The following TRANK1 variants were observed in gnomAD, a reference collection of about 807,000 sequenced individuals.
TRANK1 encodes the protein TPR and ankyrin repeat-containing protein 1.
Under a neutral mutation model 266.0 loss-of-function variants are expected in TRANK1, and 198 were observed. The ratio of observed to expected loss-of-function variants is 0.74; its 90% CI spans 0.66 to 0.84. The LOEUF is 0.84. TRANK1 is among the 40% of genes least tolerant of loss of function. TRANK1 has a pLI of 0.00. For synonymous variants in TRANK1, 1,396 were observed against 1,384.1 expected (o/e 1.01, Z -0.19); for missense variants, 3,326 against 3,634.6 (o/e 0.92, Z 2.18).
intron 8 of TRANK1, among the ~76,000 whole-genome samples, chr3:36,885,978 T>A (rs1233273243): frequency 6.6e-6 from 1 of 151,932 alleles, no homozygotes; most frequent in Non-Finnish European, 1.5e-5. Flanking sequence ...TATTCCCTGA[T>A]GAAAAAGAAG....
intron 9 of TRANK1, among the ~76,000 whole-genome samples, chr3:36,871,311 C>A (rs886347306): frequency 6.6e-6 from 1 of 152,048 alleles, no homozygotes; most frequent in African/African-American, 2.4e-5. Context: ...ACGCTTGAAC[C>A]GGGGAGGCGG....
At position 36,892,234 on chromosome 3, in the gene TRANK1, AG is replaced by A. The variant is rs1223669288; in HGVS notation, c.742del (p.Leu248PhefsTer20). On this transcript the variant is annotated frameshift_variant, in exon 7 of 24. Transcript: ENST00000645898. LOFTEE classifies it high-confidence loss of function. ...GATACAGAGTCGCATGAGGGCATGA[AG>A]GGGATACGGTCCTATAGTCTCAACA... The part of the protein sequence containing the change: ...ASVETIGPYP[L>X]HALMRLCIQA... 1.0e-5 allele frequency: 16 copies of A among 1,537,114 alleles called. No homozygotes were observed. The highest frequency in any genetic ancestry group is 1.3e-5 in the Non-Finnish European group (15 of 1,146,820).
chr3:36,832,496 TG>T lies in TRANK1; in HGVS notation c.7086del (p.Ala2364LeufsTer2). The T allele has an allele frequency of 6.2e-7, 1 of 1,613,988 alleles. No homozygotes were observed. The highest frequency in any genetic ancestry group is 1.3e-5 in the African/African-American group (1 of 75,024). ...TCATCCTTTTCAGACTCTAGAGCTT[TG>T]AGTTCCCTGTTGTAGTTGTCCTCCT... is the stretch of plus-strand genomic sequence containing the variant. Reference protein sequence around the residue: ...HQEEDNYNRELKALESEKDER... With the variant: ...HQEEDNYNREXKALESEKDER... On this transcript the variant is annotated frameshift_variant, in exon 22 of 24. Transcript: ENST00000645898. LOFTEE classifies it high-confidence loss of function.
chr3:36,891,209 G>T (rs747537650), intron 7 of TRANK1, among the ~76,000 whole-genome samples: 1 of 151,998 alleles, frequency 6.6e-6, no homozygotes, highest in Non-Finnish European at 1.5e-5. Context: ...GCGTGGTGGC[G>T]GGGGCCTGTA....
intron 9 of TRANK1, among the ~76,000 whole-genome samples, chr3:36,871,396 T>A (rs1251748122): frequency 6.6e-6 from 1 of 152,062 alleles, no homozygotes; most frequent in Non-Finnish European, 1.5e-5. Flanking sequence ...CTCTTAAAAA[T>A]ATATATATCA....
chr3:36,850,604 A>C, intron 15 of TRANK1: 1 of 769,858 alleles, frequency 1.3e-6, no homozygotes, highest in African/African-American at 1.9e-5. Flanking sequence ...CCATATCTCT[A>C]TAAAAATAAA....
rs369558078 is a variant in TRANK1 at position 36,830,890 on chromosome 3, C to T, written c.8693G>A (p.Arg2898Gln). ...ACCCTTACCGCCAGCCCAGGCCTTCCGCCTGTAGAGGTCCTCCACCATATC... is the reference window on the plus strand; with the variant it reads ...ACCCTTACCGCCAGCCCAGGCCTTCTGCCTGTAGAGGTCCTCCACCATATC... ...VSDMVEDLYR[R>Q]KAWAGAEEAM... The change falls in exon 22 of 24, where the codon CGG (arginine) becomes CAG (glutamine). Residue 2898 changes from arginine to glutamine, a missense_variant. Arg to Gln is a conservative substitution (Grantham distance 43, BLOSUM62 1). Coordinates refer to ENST00000645898, the MANE Select transcript of TRANK1 (RefSeq NM_001329998.2). The T allele has an allele frequency of 2.2e-5, 36 of 1,607,320 alleles. No homozygotes were observed. The highest frequency in any genetic ancestry group is 4.0e-5 in the African/African-American group (3 of 74,826).
At chr3:36,850,260 G>A (rs1351912395) in intron 15 of TRANK1, 1 of 985,416 alleles carries the variant, frequency 1.0e-6, no homozygotes, top group Non-Finnish European at 1.2e-6. Context: ...TAATGAGTGT[G>A]CATCTGATTT....
Position 36,833,133 on chromosome 3 carries a change from C to A in TRANK1, c.6450G>T (p.Glu2150Asp). 1.9e-6 allele frequency: 3 copies of A among 1,612,690 alleles called. No homozygotes were observed. The highest frequency in any genetic ancestry group is 2.5e-6 in the Non-Finnish European group (3 of 1,179,242). Residue 2150 changes from glutamate to aspartate, a missense_variant, in exon 22 of 24, where the codon GAG (glutamate) becomes GAT (aspartate). Coordinates refer to ENST00000645898, the MANE Select transcript of TRANK1 (RefSeq NM_001329998.2). ...IIFDLDLNLR[E>D]KKTKDHFLIM... is the part of the protein sequence containing the mutation. ...TCAAAAAATGATCTTTTGTTTTTTT[C>A]TCTCTCAAGTTCAAATCCAGGTCAA... is the stretch of plus-strand genomic sequence containing the variant.
chr3:36,922,243 G>A (rs1183400267), intron 1 of TRANK1, among the ~76,000 whole-genome samples: 1 of 152,154 alleles, frequency 6.6e-6, no homozygotes, highest in Non-Finnish European at 1.5e-5. Flanking sequence ...ATTCTATCTG[G>A]AACATTCTGT....
rs12495792 is a variant in TRANK1, at chr3:36,840,208, C to A, written c.5281-1492G>T. Reference sequence around the variant, plus strand: ...TGCCCATATTATCCCTCCCTTCCCTCCCTAACACCTAACCCCTGCCCCACC... The same window carrying A: ...TGCCCATATTATCCCTCCCTTCCCTACCTAACACCTAACCCCTGCCCCACC... On this transcript the variant is annotated intron_variant, in intron 18 of 23. Coordinates refer to ENST00000645898, the MANE Select transcript of TRANK1 (RefSeq NM_001329998.2). Among the ~76,000 whole-genome samples, 1,107 of 151,826 alleles carry A rather than the reference C, an allele frequency of 7.3e-3. 46 individuals are homozygous for A. The highest frequency in any genetic ancestry group is 0.062 in the Admixed American group (948 of 15,242).
chr3:36,841,068 C>T (rs1256653141), intron 18 of TRANK1, among the ~76,000 whole-genome samples: 2 of 152,194 alleles, frequency 1.3e-5, no homozygotes, highest in Non-Finnish European at 2.9e-5. Flanking sequence ...CATGTCAGAT[C>T]ACAGATACCT....
At chr3:36,901,543 C>G (rs908772137) in intron 3 of TRANK1, among the ~76,000 whole-genome samples, 1 of 152,170 alleles carries the variant, frequency 6.6e-6, no homozygotes, top group South Asian at 2.1e-4. Flanking sequence ...TGGAGCTTTA[C>G]CTCTCTTCTA....
At chr3:36,902,961 G>T (rs528008312) in intron 3 of TRANK1, among the ~76,000 whole-genome samples, 188 bp downstream of exon 3, 27 of 152,350 alleles carry the variant, frequency 1.8e-4, no homozygotes, top group South Asian at 1.0e-3. Context: ...GATGCAAAGA[G>T]ATCTAGAAGA....
At chr3:36,838,586 A>T in intron 19 of TRANK1, 27 bp downstream of exon 19, 1 of 1,613,998 alleles carries the variant, frequency 6.2e-7, no homozygotes, top group Non-Finnish European at 8.5e-7. Context: ...CATCGGAGCA[A>T]ACCAGAAGTG....
At chr3:36,850,313 G>A (rs2078969642) in intron 15 of TRANK1, 1 of 985,464 alleles carries the variant, frequency 1.0e-6, no homozygotes, top group Middle Eastern at 5.2e-4. Flanking sequence ...ATAAGGAACA[G>A]CAATGATACA....
chr3:36,918,635 GAA>G (rs2080171686), intron 1 of TRANK1, among the ~76,000 whole-genome samples: 1 of 144,976 alleles, frequency 6.9e-6, no homozygotes. Flanking sequence ...AAGAAAGAAA[GAA>G]AGAGAAAGAA....
chr3:36,879,571 T>C (rs147437062), intron 8 of TRANK1, among the ~76,000 whole-genome samples: 2,271 of 105,476 alleles, frequency 0.022, 258 homozygotes, highest in Non-Finnish European at 0.029. Context: ...TATAAATATA[T>C]AAATATATAT....
chr3:36,830,351 A>G (rs547122852), intron 22 of TRANK1, among the ~76,000 whole-genome samples: 1 of 152,146 alleles, frequency 6.6e-6, no homozygotes, highest in South Asian at 2.1e-4. Flanking sequence ...ATCTGATTCT[A>G]AAATAACATA....
Sources: gnomAD v4.1 joint callset for allele counts (sites outside exome capture counted in the v4.1 genomes callset) on GRCh38, gnomAD v4.1.1 for gene constraint, MANE v1.5 for transcripts, NCBI Gene and HGNC (gene_info 2026-07-23, HGNC 2026-07-21) for gene names.